Variants in PPP2R2B observed in about 807,000 individuals in gnomAD.
PPP2R2B encodes the protein protein phosphatase 2 regulatory subunit Bbeta.
In PPP2R2B, 5 loss-of-function variants were observed where a neutral mutation model predicts 46.0. That is an observed-to-expected ratio of 0.11 (90% CI 0.06 to 0.23). The LOEUF (loss-of-function observed/expected upper bound fraction) is 0.23, where lower values mean the gene tolerates loss of function less well. PPP2R2B is among the 10% of genes least tolerant of loss of function. The pLI is 1.00. For synonymous variants in PPP2R2B, 215 were observed against 206.7 expected (o/e 1.04, Z -0.34); for missense variants, 367 against 575.0 (o/e 0.64, Z 3.70).
intron 1 of PPP2R2B, among the ~76,000 whole-genome samples, chr5:146,951,750 C>T (rs1396483499): frequency 6.6e-6 from 1 of 151,968 alleles, no homozygotes; most frequent in Admixed American, 6.6e-5. Context: ...TTTTAAAATC[C>T]GGTCTACCAC....
At chr5:146,735,507 T>C (rs559812902) in intron 2 of PPP2R2B, among the ~76,000 whole-genome samples, 1 of 152,338 alleles carries the variant, frequency 6.6e-6, no homozygotes, top group East Asian at 1.9e-4. Context: ...AATAGAATGC[T>C]GCAAGGTTCG....
At chr5:146,687,137 C>T (rs1217721253) in intron 5 of PPP2R2B, among the ~76,000 whole-genome samples, 1 of 151,882 alleles carries the variant, frequency 6.6e-6, no homozygotes. Context: ...ATCGATTAAT[C>T]CCCTCACCTG....
At chr5:146,828,436 C>T (rs189004569) in intron 2 of PPP2R2B, among the ~76,000 whole-genome samples, 1 of 152,246 alleles carries the variant, frequency 6.6e-6, no homozygotes, top group Non-Finnish European at 1.5e-5. Flanking sequence ...TATTTATAGA[C>T]AGCTTAATTG....
intron 2 of PPP2R2B, among the ~76,000 whole-genome samples, chr5:146,833,346 T>C (rs931673715): frequency 6.6e-6 from 1 of 152,156 alleles, no homozygotes; most frequent in African/African-American, 2.4e-5. Flanking sequence ...GGTTTACTAA[T>C]AATTTCATTG....
chr5:146,650,793 A>G (rs564929654), intron 5 of PPP2R2B, 69 bp from the exon 6 acceptor site: 3 of 1,402,378 alleles, frequency 2.1e-6, no homozygotes, highest in Non-Finnish European at 2.9e-6. Flanking sequence ...GTGCATGCTA[A>G]TATCATTTAT....
At chr5:146,745,504 AG>A (rs1311435880) in intron 2 of PPP2R2B, among the ~76,000 whole-genome samples, 2 of 152,246 alleles carry the variant, frequency 1.3e-5, no homozygotes, top group African/African-American at 2.4e-5. Context: ...TAGGGATAAG[AG>A]AAAAATCTTT....
intron 2 of PPP2R2B, chr5:146,706,349 A>T: frequency 1.7e-6 from 1 of 602,068 alleles, no homozygotes; most frequent in Admixed American, 2.0e-5. Context: ...GCCGTAGCTG[A>T]GGCCAGAGCC....
intron 7 of PPP2R2B, among the ~76,000 whole-genome samples, chr5:146,635,022 G>C (rs976324494): frequency 4.1e-4 from 62 of 152,170 alleles, no homozygotes; most frequent in African/African-American, 1.4e-3. Context: ...GAGGAATCCA[G>C]GGTGAATAAT....
At chr5:146,941,154 T>C (rs893403979) in intron 1 of PPP2R2B, among the ~76,000 whole-genome samples, 1 of 152,170 alleles carries the variant, frequency 6.6e-6, no homozygotes, top group African/African-American at 2.4e-5. Context: ...TAAGATTTTA[T>C]AGCAATCAAG....
At chr5:146,744,813 C>T (rs1344113607) in intron 2 of PPP2R2B, among the ~76,000 whole-genome samples, 2 of 152,146 alleles carry the variant, frequency 1.3e-5, no homozygotes, top group Non-Finnish European at 2.9e-5. Flanking sequence ...TCTTATTCTG[C>T]CTAGCCAGCT....
At chr5:146,983,567 C>T (rs1304042962) in intron 1 of PPP2R2B, among the ~76,000 whole-genome samples, 1 of 152,112 alleles carries the variant, frequency 6.6e-6, no homozygotes, top group Non-Finnish European at 1.5e-5. Context: ...CTCCTGGGGG[C>T]GTCATTTTCC....
At chr5:146,892,771 G>C (rs1277622979) in intron 1 of PPP2R2B, among the ~76,000 whole-genome samples, 1 of 152,092 alleles carries the variant, frequency 6.6e-6, no homozygotes, top group African/African-American at 2.4e-5. Flanking sequence ...GGTTTCCAAT[G>C]CACATGTAAA....
At chr5:146,812,945 C>G (rs1344377636) in intron 2 of PPP2R2B, among the ~76,000 whole-genome samples, 1 of 147,792 alleles carries the variant, frequency 6.8e-6, no homozygotes, top group Non-Finnish European at 1.5e-5. Context: ...GTCCCTCTCA[C>G]AACAGGAGGG....
intron 2 of PPP2R2B, among the ~76,000 whole-genome samples, chr5:146,871,382 C>T (rs768925328): frequency 4.6e-5 from 7 of 152,222 alleles, no homozygotes; most frequent in African/African-American, 7.2e-5. Context: ...CAGCTCAGCT[C>T]AGTCTGGGAG....
At chr5:146,865,885 C>A (rs1332326351) in intron 2 of PPP2R2B, among the ~76,000 whole-genome samples, 1 of 152,150 alleles carries the variant, frequency 6.6e-6, no homozygotes, top group South Asian at 2.1e-4. Context: ...CCCCACCTCC[C>A]CACTTAACCA....
At chr5:146,789,501 T>TA in intron 2 of PPP2R2B, among the ~76,000 whole-genome samples, 1 of 152,232 alleles carries the variant, frequency 6.6e-6, no homozygotes, top group East Asian at 1.9e-4. Flanking sequence ...TAAAACCTTA[T>TA]ACTTCAACAT....
chr5:146,894,628 C>A (rs566514543), intron 1 of PPP2R2B, among the ~76,000 whole-genome samples: 2 of 152,100 alleles, frequency 1.3e-5, no homozygotes, highest in East Asian at 3.9e-4. Flanking sequence ...TTAGTAGAAA[C>A]GGGGTCTTCC....
rs768806393 is a variant in PPP2R2B, at chr5:146,586,768, TAAG to T, written c.*3176_*3178del. 6.6e-6 allele frequency: 1 copy of T among 152,062 alleles called. No individual in the cohort carries two copies. The highest frequency in any genetic ancestry group is 1.9e-4 in the East Asian group (1 of 5,192). 9.4% of individuals were successfully genotyped at this position (152,062 alleles called of 1,614,324 possible). A position where few individuals can be genotyped will look rare whatever the true frequency, so the allele number is the denominator to read the frequency against. On this transcript the variant is annotated 3_prime_UTR_variant, in exon 10 of 10. Coordinates refer to ENST00000394411, the MANE Select transcript of PPP2R2B (RefSeq NM_181675.4). ...AGGCAGGAGCCAAACTTGAAGGAGT[TAAG>T]AAGCAACTTGATTCCCACTGCCCAT...
intron 1 of PPP2R2B, among the ~76,000 whole-genome samples, chr5:146,893,462 T>A (rs1404361952): frequency 6.6e-6 from 1 of 152,120 alleles, no homozygotes; most frequent in Non-Finnish European, 1.5e-5. Flanking sequence ...TTGAAAATCT[T>A]CCTCTACCCT....
Sources: allele counts gnomAD v4.1 joint callset (sites outside exome capture counted in the v4.1 genomes callset), GRCh38; gene constraint gnomAD v4.1.1; transcripts MANE v1.5; gene names NCBI Gene and HGNC (gene_info 2026-07-23, HGNC 2026-07-21).